Variants in CCDC171 observed in about 807,000 individuals in gnomAD.
CCDC171 encodes the protein coiled-coil domain-containing protein 171.
Under a neutral mutation model 168.2 loss-of-function variants are expected in CCDC171, and 177 were observed. The ratio of observed to expected loss-of-function variants is 1.05; its 90% confidence interval spans 0.93 to 1.19. The LOEUF (loss-of-function observed/expected upper bound fraction) is 1.19. Among genes scored for constraint, CCDC171 ranks in the 50% most tolerant of loss-of-function variants. CCDC171 has a pLI of 0.00. For synonymous variants in CCDC171, 687 were observed against 540.8 expected (o/e 1.27, Z -3.75); for missense variants, 1,991 against 1,539.0 (o/e 1.29, Z -4.91).
At chr9:15,956,304 A>G (rs2132556298) in intron 25 of CCDC171, among the ~76,000 whole-genome samples, 1 of 152,226 alleles carries the variant, frequency 6.6e-6, no homozygotes, top group East Asian at 1.9e-4. Context: ...GTTCATGATG[A>G]TGGAGGCTAG....
At chr9:15,912,432 C>G (rs1489490026) in intron 24 of CCDC171, among the ~76,000 whole-genome samples, 3 of 152,108 alleles carry the variant, frequency 2.0e-5, no homozygotes, top group Non-Finnish European at 4.4e-5. Context: ...TGCTTATCAG[C>G]TTAAGGAGTT....
intron 3 of CCDC171, among the ~76,000 whole-genome samples, chr9:15,981,512 G>C (rs1321173576): frequency 6.6e-6 from 1 of 152,180 alleles, no homozygotes; most frequent in Non-Finnish European, 1.5e-5. Context: ...CAGTGAAAGT[G>C]TCTAATTAAT....
chr9:15,871,763 A>G (rs576735731), intron 23 of CCDC171, among the ~76,000 whole-genome samples: 15 of 151,870 alleles, frequency 9.9e-5, no homozygotes, highest in South Asian at 2.1e-4. Context: ...TGCCTTCTGC[A>G]TTCTTTCTGA....
chr9:15,986,618 C>G (rs965274046), intron 3 of CCDC171, among the ~76,000 whole-genome samples: 7 of 152,208 alleles, frequency 4.6e-5, no homozygotes, highest in Admixed American at 6.5e-5. Flanking sequence ...GATCCTTGTC[C>G]TTTCACTTGT....
At chr9:15,880,449 TTCTC>T (rs956757370) in intron 24 of CCDC171, among the ~76,000 whole-genome samples, 2 of 142,206 alleles carry the variant, frequency 1.4e-5, no homozygotes, top group Admixed American at 7.7e-5. Context: ...TCACTTCCAA[TTCTC>T]TCTCTCTCTC....
At chr9:15,714,813 G>T (rs6474954) in intron 11 of CCDC171, among the ~76,000 whole-genome samples, 3 of 151,906 alleles carry the variant, frequency 2.0e-5, no homozygotes, top group African/African-American at 7.3e-5. Flanking sequence ...GGTAATCAGA[G>T]CTAGGACTTT....
chr9:15,822,778 G>T (rs1166725658), intron 21 of CCDC171, among the ~76,000 whole-genome samples: 1 of 152,064 alleles, frequency 6.6e-6, no homozygotes, highest in Admixed American at 6.5e-5. Context: ...TCAGTGTGGT[G>T]ATTCCTCAGG....
intron 8 of CCDC171, among the ~76,000 whole-genome samples, chr9:15,662,507 A>G (rs1333130400): frequency 1.3e-5 from 2 of 151,924 alleles, no homozygotes; most frequent in Non-Finnish European, 2.9e-5. Flanking sequence ...TGAATTCAGG[A>G]CCTTTGTGCA....
intron 11 of CCDC171, among the ~76,000 whole-genome samples, chr9:15,713,914 G>A (rs1588105956): frequency 6.6e-6 from 1 of 151,016 alleles, no homozygotes; most frequent in Admixed American, 6.6e-5. Flanking sequence ...GTGGTAGGGC[G>A]GCAACAAAGG....
At position 15,563,756 on chromosome 9, in the gene CCDC171, A is replaced by G. The variant is rs554677963; in HGVS notation, c.-111-222A>G. ...GTAAAGATCCTTTGGATCTATATGT[A>G]GGAGCTGTTAGTCATTTCTCAGCAC... On this transcript the variant is annotated intron_variant, in intron 1 of 25. Coordinates refer to ENST00000380701, the MANE Select transcript of CCDC171 (RefSeq NM_173550.4). Among the ~76,000 whole-genome samples the G allele has an allele frequency of 2.0e-4, 30 of 152,312 alleles. No individual in the cohort carries two copies. In the South Asian group the frequency reaches 6.0e-3, roughly 31 times the overall value.
rs578210192 is a variant in CCDC171 at position 15,650,310 on chromosome 9, GATGGGTGCAGCAC to G, written c.823-6815_823-6803del. Among the ~76,000 whole-genome samples the G allele has an allele frequency of 3.4e-4, 52 of 152,128 alleles. No homozygotes were observed. In the South Asian group the frequency reaches 6.0e-3, roughly 18 times the overall value. ...ATATACCTAATGTAAATGATGAGTT[GATGGGTGCAGCAC>G]ACCAACATGGCACGTGTATACATAT... is the stretch of plus-strand genomic sequence containing the variant. On this transcript the variant is annotated intron_variant, in intron 7 of 25. Coordinates refer to ENST00000380701, the MANE Select transcript of CCDC171 (RefSeq NM_173550.4).
At chr9:15,745,400 T>C (rs2055196932) in intron 17 of CCDC171, 115 bp from the exon 18 acceptor site, 1 of 516,618 alleles carries the variant, frequency 1.9e-6, no homozygotes, top group East Asian at 3.3e-5. Context: ...CATTAGGCAA[T>C]GTTCACAATA....
intron 7 of CCDC171, among the ~76,000 whole-genome samples, chr9:15,640,316 A>G (rs2046505313): frequency 6.6e-6 from 1 of 152,096 alleles, no homozygotes; most frequent in Non-Finnish European, 1.5e-5. Flanking sequence ...CTGAGTCACA[A>G]AGCAGCATTA....
intron 18 of CCDC171, among the ~76,000 whole-genome samples, chr9:15,776,549 A>C (rs1460207991): frequency 2.0e-5 from 3 of 152,210 alleles, no homozygotes; most frequent in African/African-American, 7.2e-5. Flanking sequence ...GATCATTTTC[A>C]AATTCTGGCT....
intron 11 of CCDC171, among the ~76,000 whole-genome samples, chr9:15,707,960 G>C (rs1048158261): frequency 1.3e-5 from 2 of 152,166 alleles, no homozygotes; most frequent in African/African-American, 4.8e-5. Flanking sequence ...CACTTCTCCA[G>C]CCTCAGCCTC....
intron 11 of CCDC171, among the ~76,000 whole-genome samples, chr9:15,716,024 A>G (rs1360143277): frequency 1.3e-5 from 2 of 152,170 alleles, no homozygotes; most frequent in African/African-American, 4.8e-5. Flanking sequence ...ATGGTGAGTG[A>G]AAGTAACCCA....
chr9:15,807,912 A>G (rs563133470), intron 21 of CCDC171, among the ~76,000 whole-genome samples: 1 of 151,278 alleles, frequency 6.6e-6, no homozygotes, highest in East Asian at 1.9e-4. Flanking sequence ...AGATGATTTT[A>G]TGGCTCCTCT....
intron 21 of CCDC171, among the ~76,000 whole-genome samples, chr9:15,797,687 A>G (rs956237325): frequency 2.6e-5 from 4 of 152,082 alleles, no homozygotes; most frequent in Non-Finnish European, 5.9e-5. Context: ...TTACATTTTG[A>G]TGAAGTATCC....
chr9:16,001,038 C>A (rs1226174950), intron 3 of CCDC171, among the ~76,000 whole-genome samples: 1 of 152,140 alleles, frequency 6.6e-6, no homozygotes, highest in East Asian at 1.9e-4. Flanking sequence ...AGTAACCAAA[C>A]TTGCCAAGAG....
Sources: allele counts gnomAD v4.1 joint callset (sites outside exome capture counted in the v4.1 genomes callset), GRCh38; gene constraint gnomAD v4.1.1; transcripts MANE v1.5; gene names NCBI Gene and HGNC (gene_info 2026-07-23, HGNC 2026-07-21).